Variants in EDN1 observed in about 807,000 individuals in gnomAD.
The protein encoded by EDN1 is endothelin 1.
Under a neutral mutation model 21.7 loss-of-function variants are expected in EDN1, and 11 were observed. The ratio of observed to expected loss-of-function variants is 0.51; its 90% CI spans 0.32 to 0.84. EDN1 has a LOEUF of 0.84. Among genes scored for constraint, EDN1 ranks in the 40% least tolerant of loss-of-function variants. EDN1 has a pLI of 0.03. For missense variants in EDN1, 244 were observed against 262.3 expected, an observed-to-expected ratio of 0.93 and a Z score of 0.48; for synonymous variants, 85 against 90.6, an observed-to-expected ratio of 0.94 and a Z score of 0.35.
At chr6:12,291,758 A>T (rs573734187) in intron 1 of EDN1, among the ~76,000 whole-genome samples, 1 of 152,256 alleles carries the variant, frequency 6.6e-6, no homozygotes, top group South Asian at 2.1e-4. Flanking sequence ...TCCTGAATTG[A>T]ATATTGAATA....
the EDN1 span, among the ~76,000 whole-genome samples, chr6:12,237,892 G>A: frequency 5.3e-5 from 8 of 152,076 alleles, no homozygotes; most frequent in South Asian, 2.1e-4. Context: ...AAAACCCAGC[G>A]GGCGCGGTGG....
chr6:12,284,107 T>C, the EDN1 span, among the ~76,000 whole-genome samples: 46 of 152,346 alleles, frequency 3.0e-4, no homozygotes, highest in South Asian at 7.9e-3. Context: ...TACCTTTACA[T>C]TGGAACACAT....
chr6:12,261,522 T>C, the EDN1 span, among the ~76,000 whole-genome samples: 1 of 152,066 alleles, frequency 6.6e-6, no homozygotes. Flanking sequence ...CAGCTGTGGA[T>C]GAATGGGCGT....
chr6:12,273,059 AT>A, the EDN1 span, among the ~76,000 whole-genome samples: 766 of 152,278 alleles, frequency 5.0e-3, 8 homozygotes, highest in African/African-American at 0.018. Context: ...CACTAAGTAA[AT>A]TGTGACGACT....
At chr6:12,234,230 G>C in the EDN1 span, among the ~76,000 whole-genome samples, 2 of 152,214 alleles carry the variant, frequency 1.3e-5, no homozygotes, top group Admixed American at 1.3e-4. Flanking sequence ...TTTGAGAGCT[G>C]AAACTGGAAA....
At chr6:12,284,557 G>A in the EDN1 span, among the ~76,000 whole-genome samples, 1 of 143,108 alleles carries the variant, frequency 7.0e-6, no homozygotes, top group Non-Finnish European at 1.5e-5. Flanking sequence ...AGGAAGGAAG[G>A]AAGGAAAAGC....
At chr6:12,286,005 A>G, upstream of EDN1, among the ~76,000 whole-genome samples, 1 of 152,222 alleles carries the variant, frequency 6.6e-6, no homozygotes, top group East Asian at 1.9e-4. Flanking sequence ...AATTTCATGT[A>G]CATTATTGCT....
the EDN1 span, among the ~76,000 whole-genome samples, chr6:12,231,718 T>A: frequency 1.4e-3 from 215 of 150,984 alleles, no homozygotes; most frequent in African/African-American, 4.8e-3. Flanking sequence ...GACATTTTCA[T>A]GAAATAATAT....
chr6:12,285,187 G>A, the EDN1 span, among the ~76,000 whole-genome samples: 1 of 152,110 alleles, frequency 6.6e-6, no homozygotes, highest in Non-Finnish European at 1.5e-5. Context: ...TATAGGTTCA[G>A]ATGTGTGCAT....
At chr6:12,252,732 C>CT in the EDN1 span, among the ~76,000 whole-genome samples, 13 of 151,940 alleles carry the variant, frequency 8.6e-5, no homozygotes, top group African/African-American at 2.7e-4. Context: ...TCATTTATGT[C>CT]TTTTTTTTCA....
At chr6:12,287,994 C>A (rs991229263), upstream of EDN1, among the ~76,000 whole-genome samples, 2 of 151,968 alleles carry the variant, frequency 1.3e-5, no homozygotes, top group Non-Finnish European at 2.9e-5. Flanking sequence ...CTGTTGGAGG[C>A]GCTTGGGCAG....
the EDN1 span, among the ~76,000 whole-genome samples, chr6:12,275,593 T>C: frequency 1.3e-5 from 2 of 152,098 alleles, no homozygotes; most frequent in Non-Finnish European, 2.9e-5. Flanking sequence ...GTTTATATTA[T>C]ATATATTTTA....
chr6:12,284,571 C>A, the EDN1 span, among the ~76,000 whole-genome samples: 1 of 117,194 alleles, frequency 8.5e-6, no homozygotes, highest in South Asian at 2.6e-4. Flanking sequence ...GAAAAGCAAG[C>A]AAGCAAGCAA....
At chr6:12,236,115 T>C in the EDN1 span, among the ~76,000 whole-genome samples, 1 of 152,212 alleles carries the variant, frequency 6.6e-6, no homozygotes, top group African/African-American at 2.4e-5. Context: ...TTCAACTGAA[T>C]AGTTGAAAAG....
At chr6:12,290,825 A>G in intron 1 of EDN1, 132 bp downstream of exon 1, 1 of 808,322 alleles carries the variant, frequency 1.2e-6, no homozygotes, top group South Asian at 1.4e-5. Context: ...GTGTCTGAGA[A>G]TTATTGCTGA....
the EDN1 span, among the ~76,000 whole-genome samples, chr6:12,271,738 T>C: frequency 6.6e-6 from 1 of 152,236 alleles, no homozygotes; most frequent in African/African-American, 2.4e-5. Context: ...TCCTTAAACA[T>C]TTTTTGTAAG....
chr6:12,290,662 G>A lies in EDN1; in HGVS notation c.33G>A (p.Leu11=), dbSNP rs1163286738. The change falls in exon 1 of 5, where the codon CTG becomes CTA. Residue 11 remains leucine (L), a synonymous_variant. Coordinates refer to ENST00000379375, the MANE Select transcript of EDN1 (RefSeq NM_001955.5). ...ATTTGCTCATGATTTTCTCTCTGCT[G>A]TTTGTGGCTTGCCAAGGAGCTCCAG... is the stretch of plus-strand genomic sequence containing the variant. MDYLLMIFSL[L]FVACQGAPET... is the part of the protein sequence containing the mutation. 6.2e-7 allele frequency: 1 copy of A among 1,614,198 alleles called. No homozygotes were observed. The highest frequency in any genetic ancestry group is 1.1e-5 in the South Asian group (1 of 91,090).
At chr6:12,276,263 C>A in the EDN1 span, among the ~76,000 whole-genome samples, 1 of 151,332 alleles carries the variant, frequency 6.6e-6, no homozygotes, top group Non-Finnish European at 1.5e-5. Flanking sequence ...AGGAAGGGGA[C>A]TTCCATCCAG....
the EDN1 span, among the ~76,000 whole-genome samples, chr6:12,245,277 G>GA: frequency 2.6e-5 from 4 of 152,202 alleles, no homozygotes; most frequent in East Asian, 3.9e-4. Flanking sequence ...AGGAAACTGA[G>GA]AAAAAAATGA....
Sources: gnomAD v4.1 joint callset for allele counts (sites outside exome capture counted in the v4.1 genomes callset) on GRCh38, gnomAD v4.1.1 for gene constraint, MANE v1.5 for transcripts, NCBI Gene and HGNC (gene_info 2026-07-23, HGNC 2026-07-21) for gene names.